The following GRIP1 variants were observed in gnomAD, a reference collection of about 807,000 sequenced individuals.
GRIP1 encodes glutamate receptor-interacting protein 1.
A neutral mutation model predicts 129.9 loss-of-function variants in GRIP1; 45 were observed. That is an observed-to-expected ratio of 0.35 (90% CI 0.27 to 0.44). The LOEUF (loss-of-function observed/expected upper bound fraction) is 0.44, where lower values mean the gene tolerates loss of function less well. GRIP1 is among the 20% of genes least tolerant of loss of function. The probability of loss-of-function intolerance (pLI) is 1.00; values close to 1 mark genes in which losing one functional copy is unlikely to be tolerated. For synonymous variants in GRIP1, 530 were observed against 520.8 expected (o/e 1.02, Z -0.24); for missense variants, 1,196 against 1,396.8 (o/e 0.86, Z 2.29).
intron 1 of GRIP1, among the ~76,000 whole-genome samples, chr12:66,973,375 ATTCT>A (rs569840095): frequency 1.9e-5 from 2 of 103,952 alleles, no homozygotes; most frequent in Admixed American, 1.1e-4. Flanking sequence ...TTCCTTTTTC[ATTCT>A]TTTTTTTTTT....
At chr12:66,540,789 C>T (rs1592515840) in intron 3 of GRIP1, among the ~76,000 whole-genome samples, 1 of 151,648 alleles carries the variant, frequency 6.6e-6, no homozygotes, top group African/African-American at 2.4e-5. Context: ...TTTATTTTTA[C>T]TTATTTATTT....
Position 66,636,715 on chromosome 12 carries a change from C to CTCTGTGTG in GRIP1, c.56-39789_56-39788insCACACAGA, listed in dbSNP as rs779418554. Among the ~76,000 whole-genome samples, 669 of 145,208 alleles carry CTCTGTGTG rather than the reference C, an allele frequency of 4.6e-3. 7 individuals are homozygous for CTCTGTGTG. Among genetic ancestry groups the CTCTGTGTG allele is most frequent in the African/African-American group, 0.016 (636 of 39,076 alleles). ...TAAAACAGGGGGAGACATTAGATCT[C>CTCTGTGTG]TGTGTGTGTGTGTGTGTGTGTGTGT... On this transcript the variant is annotated intron_variant, in intron 1 of 24. Coordinates refer to ENST00000359742, the MANE Select transcript of GRIP1 (RefSeq NM_001366722.1).
chr12:66,749,375 CTTA>C (rs1239830647), intron 1 of GRIP1, among the ~76,000 whole-genome samples: 3 of 152,144 alleles, frequency 2.0e-5, no homozygotes, highest in African/African-American at 4.8e-5. Flanking sequence ...TGGCCCCTAC[CTTA>C]TTCACCCCAG....
chr12:66,524,460 A>T (rs2061148060), intron 5 of GRIP1, among the ~76,000 whole-genome samples: 1 of 152,122 alleles, frequency 6.6e-6, no homozygotes, highest in South Asian at 2.1e-4. Context: ...GGCAGAAACA[A>T]AGATGTTCTT....
At chr12:66,827,325 C>T (rs1441100370) in intron 1 of GRIP1, among the ~76,000 whole-genome samples, 1 of 150,864 alleles carries the variant, frequency 6.6e-6, no homozygotes, top group Non-Finnish European at 1.5e-5. Flanking sequence ...CTGGGGCTTG[C>T]CCTTAGTTTG....
At chr12:66,884,832 C>T (rs1391705364) in intron 1 of GRIP1, among the ~76,000 whole-genome samples, 2 of 152,054 alleles carry the variant, frequency 1.3e-5, no homozygotes, top group African/African-American at 2.4e-5. Flanking sequence ...ATATATAATT[C>T]CTGGCAATTT....
At chr12:66,632,986 G>C (rs1440075544) in intron 1 of GRIP1, among the ~76,000 whole-genome samples, 1 of 151,994 alleles carries the variant, frequency 6.6e-6, no homozygotes, top group Non-Finnish European at 1.5e-5. Flanking sequence ...GAATATGTCA[G>C]TCTCTGTAGC....
chr12:66,688,722 C>T (rs1275182202), intron 1 of GRIP1, among the ~76,000 whole-genome samples: 1 of 151,186 alleles, frequency 6.6e-6, no homozygotes, highest in East Asian at 1.9e-4. Context: ...CATTAAAGTG[C>T]TCCTTGGGGA....
In GRIP1 at chr12:66,809,424, T is replaced by A. The variant is rs894264258; in HGVS notation, c.59-212497A>T. Among the ~76,000 whole-genome samples, 11 of 152,198 alleles carry A rather than the reference T, an allele frequency of 7.2e-5. No individual in the cohort carries two copies. In the East Asian group the frequency reaches 1.5e-3, roughly 21 times the overall value. On this transcript the variant is annotated intron_variant, in intron 1 of 1. Transcript: ENST00000643019. ...ATTAATCTGGCCCTTTTAGATTTCA[T>A]AGCATCTGCACGCAATGCCAATAAT...
chr12:66,649,888 G>A (rs1330884175), intron 1 of GRIP1, among the ~76,000 whole-genome samples: 1 of 152,212 alleles, frequency 6.6e-6, no homozygotes, highest in African/African-American at 2.4e-5. Context: ...GGAAGAGCAG[G>A]CTAGAAATTC....
intron 4 of GRIP1, among the ~76,000 whole-genome samples, chr12:66,531,092 G>A (rs1199603308): frequency 5.9e-5 from 9 of 151,472 alleles, no homozygotes; most frequent in Non-Finnish European, 1.3e-4. Flanking sequence ...AAAATCAGCT[G>A]GGCGTGGTGG....
At chr12:66,897,198 C>G (rs10784598) in intron 1 of GRIP1, among the ~76,000 whole-genome samples, 81,243 of 152,014 alleles carry the variant, frequency 0.53, 22,681 homozygotes, top group African/African-American at 0.71. Context: ...TGGGCACCCA[C>G]CACCCAGGAG....
intron 1 of GRIP1, among the ~76,000 whole-genome samples, chr12:66,622,597 A>G (rs2065322635): frequency 6.6e-6 from 1 of 152,172 alleles, no homozygotes; most frequent in Non-Finnish European, 1.5e-5. Flanking sequence ...GAGGCTAAAG[A>G]GCAAGCATGC....
chr12:66,729,823 C>T (rs370440094), intron 1 of GRIP1, among the ~76,000 whole-genome samples: 1 of 152,122 alleles, frequency 6.6e-6, no homozygotes, highest in Non-Finnish European at 1.5e-5. Flanking sequence ...ATCCACCCAC[C>T]TCGGCCTCCC....
At chr12:66,646,287 T>C (rs1329400307) in intron 1 of GRIP1, among the ~76,000 whole-genome samples, 1 of 152,210 alleles carries the variant, frequency 6.6e-6, no homozygotes, top group Non-Finnish European at 1.5e-5. Context: ...AGATGATTAG[T>C]TTCATTGGCA....
intron 1 of GRIP1, among the ~76,000 whole-genome samples, chr12:67,042,428 C>G (rs888959274): frequency 6.6e-6 from 1 of 152,044 alleles, no homozygotes; most frequent in African/African-American, 2.4e-5. Context: ...AAATTTTCCA[C>G]AATCTCTTTT....
intron 2 of GRIP1, among the ~76,000 whole-genome samples, chr12:66,547,864 T>C (rs2139279832): frequency 6.6e-6 from 1 of 152,324 alleles, no homozygotes; most frequent in South Asian, 2.1e-4. Flanking sequence ...GTCAATATCC[T>C]GGTTGTGATA....
chr12:66,937,558 A>G (rs982698769), intron 1 of GRIP1, among the ~76,000 whole-genome samples: 2 of 152,332 alleles, frequency 1.3e-5, no homozygotes, highest in African/African-American at 4.8e-5. Flanking sequence ...AACTGTAAAA[A>G]TGATTCCCCC....
At chr12:66,622,085 G>T (rs1009040528) in intron 1 of GRIP1, among the ~76,000 whole-genome samples, 1 of 152,100 alleles carries the variant, frequency 6.6e-6, no homozygotes, top group Admixed American at 6.6e-5. Context: ...TGTACAAAAG[G>T]TTTTAATTTG....
Sources: allele counts gnomAD v4.1 joint callset (sites outside exome capture counted in the v4.1 genomes callset), GRCh38; gene constraint gnomAD v4.1.1; transcripts MANE v1.5; gene names NCBI Gene and HGNC (gene_info 2026-07-23, HGNC 2026-07-21).